ASH1L: variants seen among roughly 807,000 people sequenced by gnomAD.
ASH1L encodes histone-lysine N-methyltransferase ASH1L.
A neutral mutation model predicts 269.0 loss-of-function variants in ASH1L; 23 were observed. The observed-to-expected ratio is 0.09, with a 90% CI of 0.06 to 0.12. ASH1L has a LOEUF of 0.12. Among genes scored for constraint, ASH1L ranks in the 10% least tolerant of loss-of-function variants. The probability of loss-of-function intolerance (pLI) is 1.00; values close to 1 mark genes in which losing one functional copy is unlikely to be tolerated. For missense variants in ASH1L, 2,912 were observed against 3,567.8 expected (o/e 0.82, Z 4.68); for synonymous variants, 1,187 against 1,253.5 (o/e 0.95, Z 1.12).
intron 2 of ASH1L, among the ~76,000 whole-genome samples, chr1:155,494,638 A>G (rs1479183682): frequency 1.3e-5 from 2 of 152,232 alleles, no homozygotes; most frequent in African/African-American, 4.8e-5. Context: ...CATTTTAGTA[A>G]CGACAGAAGT....
chr1:155,376,667 G>A (rs1049167950), intron 10 of ASH1L, among the ~76,000 whole-genome samples: 10 of 150,376 alleles, frequency 6.7e-5, no homozygotes, highest in African/African-American at 2.2e-4. Flanking sequence ...GACAGAGCGC[G>A]ACTCTGTCTC....
rs562038208 is a variant in ASH1L, at chr1:155,387,628, T to C, written c.6104-7512A>G. On this transcript the variant is annotated intron_variant, in intron 7 of 27. Transcript: ENST00000392403. ...TTGCCTTGGCTATTTAGGTTCTTTT[T>C]TGGTTCCATATGAATGTTAAAATAG... Among the ~76,000 whole-genome samples, 222 of 152,326 alleles carry C rather than the reference T, an allele frequency of 1.5e-3. 1 individual carries two copies. Among genetic ancestry groups the C allele is most frequent in the Middle Eastern group, 3.4e-3 (1 of 294 alleles).
intron 16 of ASH1L, 86 bp from the exon 17 acceptor site, chr1:155,352,944 T>C: frequency 7.5e-7 from 1 of 1,333,574 alleles, no homozygotes; most frequent in Non-Finnish European, 1.0e-6. Flanking sequence ...TGCCATTTGC[T>C]CTATTTTCCC....
intron 6 of ASH1L, among the ~76,000 whole-genome samples, chr1:155,413,042 G>C (rs979273008): frequency 2.0e-5 from 3 of 151,990 alleles, no homozygotes; most frequent in Non-Finnish European, 4.4e-5. Context: ...AATAAAACTT[G>C]AATTTTATTT....
intron 7 of ASH1L, among the ~76,000 whole-genome samples, chr1:155,386,850 T>C (rs973615738): frequency 5.3e-5 from 8 of 152,232 alleles, no homozygotes; most frequent in East Asian, 1.9e-4. Context: ...AAGTTCATAC[T>C]ATTTGTCCAT....
intron 6 of ASH1L, among the ~76,000 whole-genome samples, chr1:155,401,965 C>T (rs1658894349): frequency 6.6e-6 from 1 of 151,984 alleles, no homozygotes; most frequent in Non-Finnish European, 1.5e-5. Flanking sequence ...TGGCAGGCGC[C>T]TGTTATCTCA....
At chr1:155,446,198 T>G (rs1181391994) in intron 4 of ASH1L, among the ~76,000 whole-genome samples, 1 of 151,758 alleles carries the variant, frequency 6.6e-6, no homozygotes, top group African/African-American at 2.4e-5. Context: ...TACTTTTTAT[T>G]ATACAGATCC....
At chr1:155,509,895 C>T (rs1668056447) in intron 2 of ASH1L, among the ~76,000 whole-genome samples, 1 of 152,050 alleles carries the variant, frequency 6.6e-6, no homozygotes, top group Non-Finnish European at 1.5e-5. Context: ...ATAACAAACT[C>T]CAAATGGATC....
chr1:155,393,558 C>CTT (rs1188916609), intron 7 of ASH1L, among the ~76,000 whole-genome samples: 1 of 142,242 alleles, frequency 7.0e-6, no homozygotes, highest in Admixed American at 7.1e-5. Context: ...TATTTCTTTT[C>CTT]TTTTTTTTTT....
chr1:155,357,572 G>C lies in ASH1L; in HGVS notation c.6960+13C>G. 6.2e-7 allele frequency: 1 copy of C among 1,613,770 alleles called. No individual in the cohort carries two copies. The highest frequency in any genetic ancestry group is 8.5e-7 in the Non-Finnish European group (1 of 1,179,854). On this transcript the variant is annotated intron_variant, in intron 14 of 27. Transcript: ENST00000392403. Reference sequence around the variant, plus strand: ...GAACAGCTTTTGGGGAAAGTCATTAGATAATTATTCACCCTTTTCTTCAGC... The same window carrying C: ...GAACAGCTTTTGGGGAAAGTCATTACATAATTATTCACCCTTTTCTTCAGC...
At chr1:155,345,998 A>AT (rs1449691304) in intron 21 of ASH1L, 9 of 400,400 alleles carry the variant, frequency 2.2e-5, no homozygotes, top group East Asian at 7.5e-5. Flanking sequence ...TGCCCGGCTA[A>AT]TTTTTTTTGT....
In ASH1L at chr1:155,337,738, G is replaced by C. The variant is rs373246416; in HGVS notation, c.8817C>G (p.Thr2939=). ...KIPGKNAIDV[T]YLLEEGSGRK... is the part of the protein sequence containing the mutation. The stretch of plus-strand genomic sequence containing the variant: ...TGCCTGATCCTTCCTCCAGCAAGTA[G>C]GTCACATCAATGGCTGAAAACAGAA... The change falls in exon 28 of 28, where the codon ACC becomes ACG. Residue 2939 remains threonine (T), a synonymous_variant. Transcript: ENST00000392403. 76 of 1,613,862 alleles carry C rather than the reference G, an allele frequency of 4.7e-5. No homozygotes were observed. Among genetic ancestry groups the C allele is most frequent in the Non-Finnish European group, 6.2e-5 (73 of 1,179,902 alleles).
At chr1:155,351,038 C>T (rs933250320) in intron 17 of ASH1L, among the ~76,000 whole-genome samples, 1 of 141,014 alleles carries the variant, frequency 7.1e-6, no homozygotes, top group African/African-American at 2.7e-5. Flanking sequence ...GAGATTGAGA[C>T]CATCCTGGCC....
chr1:155,535,820 A>G (rs886151289), intron 1 of ASH1L, among the ~76,000 whole-genome samples: 3 of 151,974 alleles, frequency 2.0e-5, no homozygotes, highest in Non-Finnish European at 4.4e-5. Flanking sequence ...CCAACATGGA[A>G]AAACACTGTC....
intron 6 of ASH1L, among the ~76,000 whole-genome samples, chr1:155,415,252 G>A (rs545942794): frequency 3.4e-4 from 51 of 151,164 alleles, no homozygotes; most frequent in Admixed American, 2.0e-3. Flanking sequence ...GCGTGGTGGC[G>A]GGCCCTGTAC....
intron 7 of ASH1L, among the ~76,000 whole-genome samples, chr1:155,381,278 G>A (rs1047286050): frequency 6.6e-6 from 1 of 152,082 alleles, no homozygotes; most frequent in East Asian, 1.9e-4. Flanking sequence ...TCCTTGGCTG[G>A]GTGCAGTGGC....
chr1:155,507,779 T>C (rs11582072), intron 2 of ASH1L, among the ~76,000 whole-genome samples: 75,341 of 152,102 alleles, frequency 0.5, 23,085 homozygotes, highest in Middle Eastern at 0.68. Context: ...GAAGCTGAGA[T>C]GGGAGGATCA....
chr1:155,405,519 G>T (rs1391483599), intron 6 of ASH1L, among the ~76,000 whole-genome samples: 1 of 151,906 alleles, frequency 6.6e-6, no homozygotes, highest in African/African-American at 2.4e-5. Context: ...AACAAACACT[G>T]TTAAAAGTTT....
At chr1:155,550,320 C>T (rs1671111916) in intron 1 of ASH1L, among the ~76,000 whole-genome samples, 1 of 152,090 alleles carries the variant, frequency 6.6e-6, no homozygotes, top group African/African-American at 2.4e-5. Flanking sequence ...GCCCAGTCCA[C>T]GATAGCCTCT....
Sources: allele counts gnomAD v4.1 joint callset (sites outside exome capture counted in the v4.1 genomes callset), GRCh38; gene constraint gnomAD v4.1.1; transcripts MANE v1.5; gene names NCBI Gene and HGNC (gene_info 2026-07-23, HGNC 2026-07-21).